DTWD1: variants seen among roughly 807,000 people sequenced by gnomAD.
DTWD1 encodes tRNA-uridine aminocarboxypropyltransferase 1.
A neutral mutation model predicts 30.2 loss-of-function variants in DTWD1; 27 were observed. That is an observed-to-expected ratio of 0.90 (90% CI 0.66 to 1.23). DTWD1 has a LOEUF of 1.23. Ranked by LOEUF, DTWD1 falls within the 50% of genes most tolerant of loss-of-function variation. The probability of loss-of-function intolerance (pLI) is 0.00; values close to 1 mark genes in which losing one functional copy is unlikely to be tolerated. For synonymous variants in DTWD1, 99 were observed against 113.1 expected (o/e 0.88, Z 0.79); for missense variants, 342 against 348.8 (o/e 0.98, Z 0.15).
chr15:49,628,850 C>CT (rs2078880256), intron 2 of DTWD1, among the ~76,000 whole-genome samples: 1 of 150,930 alleles, frequency 6.6e-6, no homozygotes, highest in Non-Finnish European at 1.5e-5. Flanking sequence ...TTTTTTCTTT[C>CT]TTTTTTAATT....
chr15:49,630,010 GT>G (rs756007235), intron 2 of DTWD1: 1 of 152,038 alleles, frequency 6.6e-6, no homozygotes, highest in Non-Finnish European at 1.5e-5. Flanking sequence ...TTCAAAAATA[GT>G]TTTGGAACTA....
intron 1 of DTWD1, among the ~76,000 whole-genome samples, chr15:49,624,397 A>G (rs1261550478): frequency 2.0e-5 from 3 of 152,210 alleles, no homozygotes; most frequent in South Asian, 4.1e-4. Flanking sequence ...TTTGGCAGCC[A>G]TCACCCTTCT....
intron 2 of DTWD1, among the ~76,000 whole-genome samples, chr15:49,627,886 G>C (rs2078865221): frequency 1.3e-5 from 2 of 151,918 alleles, no homozygotes; most frequent in South Asian, 2.1e-4. Context: ...TGTATACTTA[G>C]GGTACACTAC....
chr15:49,625,090 C>T (rs947025171), intron 1 of DTWD1, 23 bp from the exon 2 acceptor site: 5 of 1,371,764 alleles, frequency 3.6e-6, no homozygotes, highest in Non-Finnish European at 5.0e-6. Context: ...ATTTTTCCTT[C>T]TCTTGATACT....
rs1290313667 is a variant in DTWD1 at position 49,653,388 on chromosome 15, C to A, written c.*9810C>A. 1 of 152,124 alleles carries A rather than the reference C, an allele frequency of 6.6e-6. No homozygotes were observed. Among genetic ancestry groups the A allele is most frequent in the Non-Finnish European group, 1.5e-5 (1 of 68,008 alleles). The allele number at this position is 152,124 out of a possible 1,614,324, so 9.4% of individuals were successfully genotyped here. On this transcript the variant is annotated 3_prime_UTR_variant, in exon 5 of 5. Coordinates refer to ENST00000403028, the MANE Select transcript of DTWD1 (RefSeq NM_001144955.2). Reference sequence around the variant, plus strand: ...GCTGGAAAAAGCAAAGAAACAGATTCTTTCCAGAGTGTCCAGAAAGGAATG... The same window carrying A: ...GCTGGAAAAAGCAAAGAAACAGATTATTTCCAGAGTGTCCAGAAAGGAATG...
In DTWD1 at chr15:49,648,886, C is replaced by G. The variant is rs944966959; in HGVS notation, c.*5308C>G. ...TTCGAAAGGTCATTTCTGACCCCAG[C>G]TTGAAGTTTGTTTATTTTCACTTGA... is the stretch of plus-strand genomic sequence containing the variant. On this transcript the variant is annotated 3_prime_UTR_variant, in exon 5 of 5. Transcript: ENST00000403028. 1.3e-5 allele frequency: 2 copies of G among 152,074 alleles called. No homozygotes were observed. The highest frequency in any genetic ancestry group is 4.8e-5 in the African/African-American group (2 of 41,414). The allele number at this position is 152,074 out of a possible 1,614,324, so 9.4% of individuals were successfully genotyped here.
At chr15:49,623,252 G>A (rs747379923) in intron 1 of DTWD1, among the ~76,000 whole-genome samples, 1 of 152,146 alleles carries the variant, frequency 6.6e-6, no homozygotes, top group Non-Finnish European at 1.5e-5. Context: ...CCCATCATCT[G>A]AATAACTCAG....
At chr15:49,637,153 C>G (rs983950199) in intron 4 of DTWD1, among the ~76,000 whole-genome samples, 13 of 152,038 alleles carry the variant, frequency 8.6e-5, no homozygotes, top group Non-Finnish European at 1.8e-4. Context: ...TTATTTCTTT[C>G]TCTTTCCACC....
At chr15:49,629,878 T>C (rs2078895619) in intron 2 of DTWD1, 1 of 152,202 alleles carries the variant, frequency 6.6e-6, no homozygotes, top group South Asian at 2.1e-4. Context: ...TTGAAAACTA[T>C]TTGAGGAATT....
chr15:49,624,270 A>C (rs1044075563), intron 1 of DTWD1, among the ~76,000 whole-genome samples: 1 of 152,184 alleles, frequency 6.6e-6, no homozygotes, highest in Non-Finnish European at 1.5e-5. Flanking sequence ...ACAATGCCAG[A>C]AGGCTTTATA....
At chr15:49,638,539 C>A (rs998789908) in intron 4 of DTWD1, among the ~76,000 whole-genome samples, 4 of 152,172 alleles carry the variant, frequency 2.6e-5, no homozygotes, top group Non-Finnish European at 5.9e-5. Flanking sequence ...ATGTGAAATA[C>A]TGATTTCTGA....
chr15:49,636,591 G>A (rs113517007), intron 4 of DTWD1, among the ~76,000 whole-genome samples: 1 of 151,944 alleles, frequency 6.6e-6, no homozygotes, highest in African/African-American at 2.4e-5. Context: ...AAGAGGACAG[G>A]TCAATTGTCT....
rs1567741204 is a variant in DTWD1 at position 49,634,808 on chromosome 15, G to A, written c.667+14G>A. The A allele has an allele frequency of 1.3e-6, 2 of 1,546,314 alleles. No homozygotes were observed. The highest frequency in any genetic ancestry group is 1.7e-6 in the Non-Finnish European group (2 of 1,152,954). On this transcript the variant is annotated intron_variant, in intron 4 of 4. Transcript: ENST00000403028. ...AGCGACTTCAAGGTAAAAAAAAAAT[G>A]TTTTTTTGGACTGCTCCTCCCTCAG...
At chr15:49,621,899 A>G (rs1246772027) in intron 1 of DTWD1, among the ~76,000 whole-genome samples, 1 of 152,204 alleles carries the variant, frequency 6.6e-6, no homozygotes, top group Non-Finnish European at 1.5e-5. Flanking sequence ...GAAAATTGGA[A>G]GTGGTTTTTT....
At chr15:49,635,642 C>T (rs1250997218) in intron 4 of DTWD1, among the ~76,000 whole-genome samples, 4 of 151,594 alleles carry the variant, frequency 2.6e-5, no homozygotes, top group Admixed American at 6.6e-5. Context: ...ACAGGCACAC[C>T]ATCACCACGC....
rs2079134115 is a variant in DTWD1, at chr15:49,648,495, T to G, written c.*4917T>G. The stretch of plus-strand genomic sequence containing the variant: ...TTTTGTATTTTTAGTAGAGATGGAG[T>G]TTTGTCATGTTTGGCCAGCCTTATC... On this transcript the variant is annotated 3_prime_UTR_variant, in exon 5 of 5. Transcript: ENST00000403028. 1 of 151,952 alleles carries G rather than the reference T, an allele frequency of 6.6e-6. No individual in the cohort carries two copies. Among genetic ancestry groups the G allele is most frequent in the Admixed American group, 6.6e-5 (1 of 15,230 alleles). The allele number at this position is 151,952 out of a possible 1,614,324, so 9.4% of individuals were successfully genotyped here.
chr15:49,641,679 G>T (rs1304397724), intron 4 of DTWD1, among the ~76,000 whole-genome samples: 1 of 151,984 alleles, frequency 6.6e-6, no homozygotes, highest in Non-Finnish European at 1.5e-5. Flanking sequence ...TTCGTGATAG[G>T]TTGTTCTGCT....
intron 4 of DTWD1, among the ~76,000 whole-genome samples, chr15:49,637,039 A>G (rs1163439794): frequency 6.6e-6 from 1 of 152,184 alleles, no homozygotes; most frequent in Non-Finnish European, 1.5e-5. Flanking sequence ...GAATAATTAC[A>G]TTGAGAATTG....
chr15:49,624,821 A>G (rs759841016), intron 1 of DTWD1, among the ~76,000 whole-genome samples: 6 of 152,232 alleles, frequency 3.9e-5, no homozygotes, highest in Non-Finnish European at 8.8e-5. Context: ...GTCTGATGCT[A>G]ACGTGAAACC....
Sources: allele counts gnomAD v4.1 joint callset (sites outside exome capture counted in the v4.1 genomes callset), GRCh38; gene constraint gnomAD v4.1.1; transcripts MANE v1.5; gene names NCBI Gene and HGNC (gene_info 2026-07-23, HGNC 2026-07-21).